The following TMPRSS15 variants were observed in gnomAD, a reference collection of about 807,000 sequenced individuals.
TMPRSS15 encodes transmembrane serine protease 15, also known as enteropeptidase.
In TMPRSS15, 128 loss-of-function variants were observed where a neutral mutation model predicts 125.3. The ratio of observed to expected loss-of-function variants is 1.02; its 90% CI spans 0.89 to 1.18. TMPRSS15 has a LOEUF of 1.18. TMPRSS15 is among the 50% of genes most tolerant of loss of function. TMPRSS15 has a pLI of 0.00. For missense variants in TMPRSS15, 1,283 were observed against 1,212.7 expected (o/e 1.06, Z -0.86); for synonymous variants, 446 against 423.2 (o/e 1.05, Z -0.66).
At chr21:18,358,324 T>C (rs1420226381) in intron 8 of TMPRSS15, among the ~76,000 whole-genome samples, 1 of 151,858 alleles carries the variant, frequency 6.6e-6, no homozygotes, top group African/African-American at 2.4e-5. Flanking sequence ...GAGCATTTAG[T>C]CAGTCAACTC....
intron 14 of TMPRSS15, 75 bp downstream of exon 14, chr21:18,332,009 C>T: frequency 5.4e-6 from 7 of 1,307,506 alleles, no homozygotes. Flanking sequence ...TTATAATCTA[C>T]TTTGCTGCGT....
intron 4 of TMPRSS15, among the ~76,000 whole-genome samples, chr21:18,382,009 T>C (rs1310678463): frequency 6.6e-6 from 1 of 151,932 alleles, no homozygotes; most frequent in East Asian, 1.9e-4. Context: ...CATTTTTCCA[T>C]GCCAAAAAAG....
intron 16 of TMPRSS15, among the ~76,000 whole-genome samples, chr21:18,316,559 C>T (rs2146943979): frequency 6.6e-6 from 1 of 152,198 alleles, no homozygotes; most frequent in South Asian, 2.1e-4. Context: ...GGATAGAGCT[C>T]CAAACAAGTA....
At chr21:18,411,530 A>G (rs578213274) in intron 1 of TMPRSS15, among the ~76,000 whole-genome samples, 1 of 152,290 alleles carries the variant, frequency 6.6e-6, no homozygotes, top group African/African-American at 2.4e-5. Context: ...TCACCTAAAA[A>G]TCACCTATGT....
intron 1 of TMPRSS15, among the ~76,000 whole-genome samples, chr21:18,430,969 TGTTA>T (rs1003517599): frequency 1.3e-5 from 2 of 152,190 alleles, no homozygotes; most frequent in Admixed American, 6.5e-5. Context: ...ACTCTACACA[TGTTA>T]GTTTGCTTAG....
In TMPRSS15 at chr21:18,315,226, T is replaced by C; in HGVS notation, c.1952A>G (p.Lys651Arg). The C allele has an allele frequency of 1.2e-6, 2 of 1,613,882 alleles. No homozygotes were observed. Among genetic ancestry groups the C allele is most frequent in the Middle Eastern group, 3.3e-4 (2 of 6,062 alleles). ...CACCAGTGGAACACACTCTCCATTT[T>C]TACATTGAAAATGGTCTGCCTTGCA... ...EPCKADHFQC[K>R]NGECVPLVNL... Residue 651 changes from lysine (K) to arginine (R), a missense_variant, in exon 17 of 25, where the codon AAA becomes AGA. Transcript: ENST00000284885.
intron 21 of TMPRSS15, 111 bp from the exon 22 acceptor site, chr21:18,281,332 A>T (rs2074696177): frequency 1.1e-6 from 1 of 937,236 alleles, no homozygotes; most frequent in Non-Finnish European, 1.7e-6. Context: ...AATGTTCTTT[A>T]ATTTCTCTGA....
chr21:18,433,923 A>T (rs57820304), intron 1 of TMPRSS15, among the ~76,000 whole-genome samples: 47,105 of 152,026 alleles, frequency 0.31, 8,881 homozygotes, highest in East Asian at 0.75. Flanking sequence ...TTTGTTTTTA[A>T]AAAAATAAAT....
upstream of TMPRSS15, among the ~76,000 whole-genome samples, chr21:18,404,102 T>C (rs1170156497): frequency 6.6e-6 from 1 of 152,216 alleles, no homozygotes; most frequent in African/African-American, 2.4e-5. Flanking sequence ...TATATGTTGA[T>C]ATAGACCTTC....
chr21:18,363,038 T>C (rs893069842), intron 7 of TMPRSS15, among the ~76,000 whole-genome samples: 2 of 152,162 alleles, frequency 1.3e-5, no homozygotes, highest in African/African-American at 4.8e-5. Flanking sequence ...TATAGTTTAA[T>C]TGCATCTTAA....
intron 6 of TMPRSS15, among the ~76,000 whole-genome samples, chr21:18,370,344 C>T (rs1021887121): frequency 6.6e-5 from 10 of 152,068 alleles, no homozygotes; most frequent in Admixed American, 1.3e-4. Flanking sequence ...AGGTACAGTA[C>T]ATTTTTCAAT....
intron 23 of TMPRSS15, among the ~76,000 whole-genome samples, chr21:18,276,123 A>G (rs1162280508): frequency 6.6e-6 from 1 of 152,228 alleles, no homozygotes; most frequent in Non-Finnish European, 1.5e-5. Context: ...TGATGCTGAA[A>G]AAATTTATGT....
chr21:18,476,507 G>A (rs151016785), intron 1 of TMPRSS15, among the ~76,000 whole-genome samples: 154 of 152,220 alleles, frequency 1.0e-3, no homozygotes, highest in African/African-American at 3.4e-3. Context: ...AAAAATACAT[G>A]AAAACATTTT....
intron 6 of TMPRSS15, among the ~76,000 whole-genome samples, chr21:18,368,009 A>G (rs1348524990): frequency 1.3e-5 from 2 of 152,202 alleles, no homozygotes; most frequent in African/African-American, 4.8e-5. Context: ...AAATTTTTTA[A>G]AGATTTCCAT....
At chr21:18,343,723 T>C in intron 11 of TMPRSS15, 67 bp from the exon 12 acceptor site, 1 of 1,525,276 alleles carries the variant, frequency 6.6e-7, no homozygotes, top group Non-Finnish European at 9.0e-7. Context: ...TTCAGAGCTT[T>C]TCTACATTTT....
chr21:18,306,219 A>G (rs1263503387), intron 18 of TMPRSS15, among the ~76,000 whole-genome samples: 1 of 152,134 alleles, frequency 6.6e-6, no homozygotes, highest in Non-Finnish European at 1.5e-5. Flanking sequence ...ATTTTGGGAC[A>G]TTGGCAGAAA....
chr21:18,439,929 A>G (rs1421154620), intron 1 of TMPRSS15, among the ~76,000 whole-genome samples: 1 of 152,216 alleles, frequency 6.6e-6, no homozygotes, highest in Non-Finnish European at 1.5e-5. Flanking sequence ...CAAAGGCACA[A>G]AATGTTTTCA....
intron 13 of TMPRSS15, among the ~76,000 whole-genome samples, chr21:18,334,750 T>C (rs922850098): frequency 6.6e-6 from 1 of 152,196 alleles, no homozygotes; most frequent in African/African-American, 2.4e-5. Flanking sequence ...AATCTCGAGC[T>C]CATCCCACAG....
At chr21:18,365,013 T>C (rs1029785884) in intron 7 of TMPRSS15, 127 bp downstream of exon 7, 14 of 755,530 alleles carry the variant, frequency 1.9e-5, no homozygotes, top group African/African-American at 1.4e-4. Context: ...AGTTTTTCAG[T>C]TGGGAGGTTT....
Sources: gnomAD v4.1 joint callset for allele counts (sites outside exome capture counted in the v4.1 genomes callset) on GRCh38, gnomAD v4.1.1 for gene constraint, MANE v1.5 for transcripts, NCBI Gene and HGNC (gene_info 2026-07-23, HGNC 2026-07-21) for gene names.